CDH6: variants seen among roughly 807,000 people sequenced by gnomAD.
CDH6 encodes cadherin-6.
CDH6 carries 31 observed loss-of-function variants against 78.0 expected under a neutral mutation model. The ratio of observed to expected loss-of-function variants is 0.40; its 90% CI spans 0.30 to 0.54. The LOEUF is 0.54. Ranked by LOEUF, CDH6 falls within the 20% of genes least tolerant of loss-of-function variation. The pLI is 0.56. For synonymous variants in CDH6, 376 were observed against 368.8 expected (o/e 1.02, Z -0.23); for missense variants, 724 against 975.9 (o/e 0.74, Z 3.44).
intron 7 of CDH6, among the ~76,000 whole-genome samples, chr5:31,308,511 T>C (rs1276711109): frequency 6.6e-6 from 1 of 151,384 alleles, no homozygotes; most frequent in Non-Finnish European, 1.5e-5. Context: ...TTATCAGTGA[T>C]AATTACAATT....
In CDH6 at chr5:31,283,299, G is replaced by C. The variant is rs62348948; in HGVS notation, c.229-10663G>C. 2.1e-3 allele frequency among the ~76,000 whole-genome samples: 320 copies of C among 152,250 alleles called. 4 individuals carry two copies. The highest frequency in any genetic ancestry group is 1.4e-3 in the Non-Finnish European group (97 of 68,030). ...TTCGTTGTAACTCAAAATATTGTTT[G>C]GTACAGAGTAAGCTTTTAATGAATG... is the stretch of plus-strand genomic sequence containing the variant. On this transcript the variant is annotated intron_variant, in intron 2 of 11. Transcript: ENST00000265071.
intron 2 of CDH6, among the ~76,000 whole-genome samples, chr5:31,293,269 T>A (rs1212615588): frequency 6.6e-6 from 1 of 152,142 alleles, no homozygotes; most frequent in African/African-American, 2.4e-5. Flanking sequence ...GAAATGCTAT[T>A]GTTCCAAGTG....
intron 2 of CDH6, among the ~76,000 whole-genome samples, chr5:31,274,678 G>A (rs537872266): frequency 2.0e-5 from 3 of 152,252 alleles, no homozygotes; most frequent in African/African-American, 4.8e-5. Context: ...AAATTAGACG[G>A]GCGTGGTAGC....
chr5:31,325,657 T>TAA lies in CDH6; in HGVS notation c.*2352_*2353dup, dbSNP rs1561077417. 1 of 230,782 alleles carries TAA rather than the reference T, an allele frequency of 4.3e-6. No individual in the cohort carries two copies. The highest frequency in any genetic ancestry group is 2.2e-5 in the African/African-American group (1 of 45,226). 14.3% of individuals were successfully genotyped at this position (230,782 alleles called of 1,614,324 possible). A position where few individuals can be genotyped will look rare whatever the true frequency, so the allele number is the denominator to read the frequency against. On this transcript the variant is annotated 3_prime_UTR_variant, in exon 12 of 12. Coordinates refer to ENST00000265071, the MANE Select transcript of CDH6 (RefSeq NM_004932.4). ...GTAAGATCTGAGTTCTCCTAATAAG[T>TAA]AAAAGTAAGTAGTTCTATAGCAGAA...
intron 1 of CDH6, among the ~76,000 whole-genome samples, chr5:31,200,175 G>A (rs1330471534): frequency 1.3e-5 from 2 of 152,146 alleles, no homozygotes; most frequent in Non-Finnish European, 2.9e-5. Flanking sequence ...AATTGTAGTA[G>A]AAAGCATTGT....
At chr5:31,195,085 A>T (rs574426271) in intron 1 of CDH6, among the ~76,000 whole-genome samples, 1 of 133,448 alleles carries the variant, frequency 7.5e-6, no homozygotes, top group African/African-American at 2.9e-5. Flanking sequence ...TACTCCCATT[A>T]AAAAAAAAAA....
intron 1 of CDH6, among the ~76,000 whole-genome samples, chr5:31,203,801 T>C (rs1438532261): frequency 6.6e-6 from 1 of 151,746 alleles, no homozygotes; most frequent in East Asian, 2.0e-4. Context: ...TTTCCAGTTC[T>C]AGATCCCTGA....
chr5:31,208,630 T>TTATTGGTG (rs1740605855), intron 1 of CDH6, among the ~76,000 whole-genome samples: 1 of 152,248 alleles, frequency 6.6e-6, no homozygotes, highest in Admixed American at 6.5e-5. Flanking sequence ...ATATTATTTC[T>TTATTGGTG]TATTGGTGTA....
At chr5:31,286,590 G>T (rs950338071) in intron 2 of CDH6, among the ~76,000 whole-genome samples, 2 of 152,182 alleles carry the variant, frequency 1.3e-5, no homozygotes, top group African/African-American at 4.8e-5. Context: ...CCAAAGAGAG[G>T]AGGAGCAGAG....
rs1209247418 is a variant in CDH6, at chr5:31,317,204, G to A, written c.1513-171G>A. On this transcript the variant is annotated intron_variant, in intron 9 of 11. Coordinates refer to ENST00000265071, the MANE Select transcript of CDH6 (RefSeq NM_004932.4). ...TCCCCACAACAAAGAATCATTCCCT[G>A]CCCTTTGGCTTTCTAACCCATAATA... Among the ~76,000 whole-genome samples, 3 of 152,246 alleles carry A rather than the reference G, an allele frequency of 2.0e-5. No homozygotes were observed. The South Asian group carries it at 6.2e-4, about 32-fold the overall frequency.
At chr5:31,275,861 T>G (rs1244319605) in intron 2 of CDH6, among the ~76,000 whole-genome samples, 1 of 152,226 alleles carries the variant, frequency 6.6e-6, no homozygotes, top group Admixed American at 6.5e-5. Context: ...CATTTAACTT[T>G]TAGAGGCCTC....
rs2111752191 is a variant in CDH6 at position 31,193,825 on chromosome 5, C to G, written c.-190C>G. 6.5e-6 allele frequency: 1 copy of G among 154,424 alleles called. No individual in the cohort carries two copies. Among genetic ancestry groups the G allele is most frequent in the South Asian group, 1.8e-4 (1 of 5,646 alleles). 9.6% of individuals were successfully genotyped at this position (154,424 alleles called of 1,614,324 possible). ...CCGGCGACCGCGGCGGCGGCGGCGG[C>G]GGAGGCAGGAGCAGCCTGGGCGGGT... On this transcript the variant is annotated 5_prime_UTR_variant, in exon 1 of 12. Coordinates refer to ENST00000265071, the MANE Select transcript of CDH6 (RefSeq NM_004932.4).
intron 1 of CDH6, among the ~76,000 whole-genome samples, chr5:31,218,592 A>G (rs1561028205): frequency 6.6e-6 from 1 of 152,132 alleles, no homozygotes; most frequent in Non-Finnish European, 1.5e-5. Flanking sequence ...TGAGCCCCAC[A>G]TTCAGCCCAT....
At chr5:31,215,866 AT>A (rs1464140793) in intron 1 of CDH6, among the ~76,000 whole-genome samples, 1 of 152,188 alleles carries the variant, frequency 6.6e-6, no homozygotes, top group Non-Finnish European at 1.5e-5. Flanking sequence ...GGATTATCCA[AT>A]TTGACGATGG....
intron 1 of CDH6, among the ~76,000 whole-genome samples, chr5:31,214,151 A>AAAC (rs1162735096): frequency 1.3e-5 from 2 of 151,710 alleles, no homozygotes; most frequent in Non-Finnish European, 2.9e-5. Flanking sequence ...AAAAAAAAAA[A>AAAC]AAAAAAACAG....
intron 11 of CDH6, chr5:31,318,465 TG>T (rs1738390351): frequency 1.2e-5 from 3 of 244,356 alleles, no homozygotes; most frequent in Middle Eastern, 1.3e-3. Flanking sequence ...ACTCTCTGAT[TG>T]CCACATGCAT....
At chr5:31,260,550 T>C (rs987050940) in intron 1 of CDH6, among the ~76,000 whole-genome samples, 6 of 152,226 alleles carry the variant, frequency 3.9e-5, no homozygotes, top group African/African-American at 7.2e-5. Context: ...CTGTAACACA[T>C]TGGATTTTAT....
intron 1 of CDH6, among the ~76,000 whole-genome samples, chr5:31,206,400 G>A (rs1740523517): frequency 6.6e-6 from 1 of 152,066 alleles, no homozygotes; most frequent in Non-Finnish European, 1.5e-5. Flanking sequence ...TCTATAACAA[G>A]TGAGATCAAT....
At chr5:31,284,698 T>A (rs1204057315) in intron 2 of CDH6, among the ~76,000 whole-genome samples, 1 of 152,214 alleles carries the variant, frequency 6.6e-6, no homozygotes, top group Non-Finnish European at 1.5e-5. Context: ...ACGTGAGATG[T>A]AGCTATTCAC....
Sources: gnomAD v4.1 joint callset for allele counts (sites outside exome capture counted in the v4.1 genomes callset) on GRCh38, gnomAD v4.1.1 for gene constraint, MANE v1.5 for transcripts, NCBI Gene and HGNC (gene_info 2026-07-23, HGNC 2026-07-21) for gene names.